The following TTC21A variants were observed in gnomAD, a reference collection of about 807,000 sequenced individuals.
TTC21A encodes tetratricopeptide repeat protein 21A.
In TTC21A, 128 loss-of-function variants were observed where a neutral mutation model predicts 156.4. The observed-to-expected ratio is 0.82, with a 90% CI of 0.71 to 0.95. The LOEUF (loss-of-function observed/expected upper bound fraction) is 0.95, where lower values mean the gene tolerates loss of function less well. Among genes scored for constraint, TTC21A ranks in the 40% least tolerant of loss-of-function variants. The pLI, the probability that TTC21A is intolerant of heterozygous loss-of-function variation, is 0.00. For missense variants in TTC21A, 1,435 were observed against 1,602.3 expected (o/e 0.90, Z 1.78); for synonymous variants, 587 against 617.1 (o/e 0.95, Z 0.72).
At chr3:39,128,600 G>A (rs371638121) in intron 13 of TTC21A, 112 bp downstream of exon 13, 50 of 1,561,646 alleles carry the variant, frequency 3.2e-5, no homozygotes, top group African/African-American at 2.0e-4. Context: ...CTTTCTGCTC[G>A]TCCAAAGGCA....
At position 39,125,359 on chromosome 3, in the gene TTC21A, A is replaced by G; in HGVS notation, c.1219A>G (p.Met407Val). The G allele has an allele frequency of 6.2e-7, 1 of 1,614,118 alleles. No individual in the cohort carries two copies. Among genetic ancestry groups the G allele is most frequent in the Non-Finnish European group, 8.5e-7 (1 of 1,180,012 alleles). Residue 407 changes from methionine to valine, a missense_variant, in exon 11 of 29, where the codon ATG (methionine) becomes GTG (valine). By Grantham distance (21) the Met-to-Val change is conservative. Coordinates refer to ENST00000683103, the MANE Select transcript of TTC21A (RefSeq NM_001366900.1). ...GCTAATTTTCCTCCAAGCCCTCCTG[A>G]TGTCCAGGAAGCACAAGGGGGAGGA... is the stretch of plus-strand genomic sequence containing the variant. ...EVLIFLQALL[M>V]SRKHKGEEET...
At chr3:39,108,044 C>T in intron 1 of TTC21A, 180 bp downstream of exon 1, 3 of 659,538 alleles carry the variant, frequency 4.5e-6, no homozygotes, top group Non-Finnish European at 7.7e-6. Flanking sequence ...TCTGCGCACC[C>T]TGAGCCCCAA....
At chr3:39,120,474 AAATCTGTATCTCTTTCAGACCCT>A in intron 8 of TTC21A, among the ~76,000 whole-genome samples, 1 of 152,212 alleles carries the variant, frequency 6.6e-6, no homozygotes, top group Non-Finnish European at 1.5e-5. Context: ...GGTTGCCAAC[AAATCTGTATCTCTTTCAGACCCT>A]TCAGCCCCAA....
At chr3:39,118,943 A>T (rs1194529510) in intron 7 of TTC21A, 1 of 152,044 alleles carries the variant, frequency 6.6e-6, no homozygotes, top group African/African-American at 2.4e-5. Context: ...GGTAGAGGGG[A>T]GAGTCCGTAT....
At chr3:39,137,163 C>A in intron 24 of TTC21A, 32 bp from the exon 25 acceptor site, 1 of 1,603,760 alleles carries the variant, frequency 6.2e-7, no homozygotes, top group Non-Finnish European at 8.5e-7. Context: ...GGCCACCGGC[C>A]TGTGTCTGAT....
Position 39,126,515 on chromosome 3 carries a change from C to CACAT in TTC21A, c.1522+128_1522+129insTACA, listed in dbSNP as rs1392611050. ...ACACACACACACACACACACACACA[C>CACAT]ACACACTCTCCTTGCCTGGGGTACT... On this transcript the variant is annotated intron_variant, in intron 12 of 28. Coordinates refer to ENST00000683103, the MANE Select transcript of TTC21A (RefSeq NM_001366900.1). The CACAT allele has an allele frequency of 1.2e-5, 12 of 1,028,738 alleles. No individual in the cohort carries two copies. In the African/African-American group the frequency reaches 1.9e-4, roughly 17 times the overall value. 63.7% of individuals were successfully genotyped at this position (1,028,738 alleles called of 1,614,324 possible).
rs753917563 is a variant in TTC21A, at chr3:39,128,712, C to A, written c.1681-5C>A. 10 of 1,613,750 alleles carry A rather than the reference C, an allele frequency of 6.2e-6. No individual in the cohort carries two copies. The highest frequency in any genetic ancestry group is 6.8e-6 in the Non-Finnish European group (8 of 1,179,924). Reference sequence around the variant, plus strand: ...GAGCCCCACACTCTGCTGTGCTCCTCCTAGGTCCGAGATCACCCCCTCTAC... The same window carrying A: ...GAGCCCCACACTCTGCTGTGCTCCTACTAGGTCCGAGATCACCCCCTCTAC... On this transcript the variant is annotated splice_region_variant and splice_polypyrimidine_tract_variant and intron_variant, in intron 13 of 28. Transcript: ENST00000683103.
chr3:39,135,246 G>A (rs2039029058), intron 22 of TTC21A, 72 bp downstream of exon 22: 7 of 1,307,038 alleles, frequency 5.4e-6, no homozygotes, highest in Non-Finnish European at 7.8e-6. Context: ...AGAAGGGTGG[G>A]ACCTCTCCCT....
At chr3:39,138,500 G>C (rs367820000) in intron 27 of TTC21A, 56 bp from the exon 28 acceptor site, 1 of 1,612,692 alleles carries the variant, frequency 6.2e-7, no homozygotes. Context: ...ATGAGAACCA[G>C]AGGGGTTCTC....
chr3:39,114,735 G>A lies in TTC21A; in HGVS notation c.709G>A (p.Gly237Arg). 1 of 1,614,166 alleles carries A rather than the reference G, an allele frequency of 6.2e-7. No homozygotes were observed. The change falls in exon 6 of 29, where the codon GGA becomes AGA. Residue 237 changes from glycine to arginine, a missense_variant. Transcript: ENST00000683103. ...GGACTGGGAGCAGACAGTAGAAATG[G>A]GACACAGGTGAGCTACTGCACAAAT... The part of the protein sequence containing the change: ...RQDWEQTVEM[G>R]HRILEKDESN...
At position 39,128,486 on chromosome 3, in the gene TTC21A, C is replaced by A; in HGVS notation, c.1678C>A (p.Gln560Lys). The change falls in exon 13 of 29, where the codon CAG (glutamine) becomes AAG (lysine). Residue 560 changes from glutamine to lysine, a missense_variant and splice_region_variant. By Grantham distance (53) the Gln-to-Lys change is moderately conservative. Transcript: ENST00000683103. Reference protein sequence around the residue: ...CLELGVSHNFQVRDHPLYHLI... With the variant: ...CLELGVSHNFKVRDHPLYHLI... ...AGAGCTGGGTGTCAGCCACAACTTC[C>A]AGGTGGGTGCCCTCTCATCCTCTCA... The A allele has an allele frequency of 6.2e-7, 1 of 1,614,102 alleles. No individual in the cohort carries two copies. Among genetic ancestry groups the A allele is most frequent in the Non-Finnish European group, 8.5e-7 (1 of 1,179,990 alleles).
In TTC21A at chr3:39,107,869, G is replaced by A. The variant is rs771320671; in HGVS notation, c.27+5G>A. 6 of 1,612,610 alleles carry A rather than the reference G, an allele frequency of 3.7e-6. No homozygotes were observed. Among genetic ancestry groups the A allele is most frequent in the Non-Finnish European group, 4.2e-6 (5 of 1,179,976 alleles). On this transcript the variant is annotated splice_donor_5th_base_variant and intron_variant, in intron 1 of 28. Coordinates refer to ENST00000683103, the MANE Select transcript of TTC21A (RefSeq NM_001366900.1). ...AGCAATGACTCCTCCCTTATGGTGCGTGGCCCGGGCGCTGTCCGAGGGCTC... is the reference window on the plus strand; with the variant it reads ...AGCAATGACTCCTCCCTTATGGTGCATGGCCCGGGCGCTGTCCGAGGGCTC...
chr3:39,108,569 A>G (rs766437836), intron 1 of TTC21A, among the ~76,000 whole-genome samples: 2 of 152,186 alleles, frequency 1.3e-5, no homozygotes, highest in Non-Finnish European at 2.9e-5. Context: ...TTACAGTCCA[A>G]CCACATCTGC....
intron 12 of TTC21A, among the ~76,000 whole-genome samples, chr3:39,127,001 C>T (rs895086101): frequency 1.3e-5 from 2 of 152,076 alleles, no homozygotes; most frequent in African/African-American, 2.4e-5. Context: ...GGCAGGGTTG[C>T]GGTTTTGAAA....
chr3:39,135,223 G>A, intron 22 of TTC21A, 49 bp downstream of exon 22: 1 of 1,522,790 alleles, frequency 6.6e-7, no homozygotes, highest in South Asian at 1.1e-5. Context: ...CTGAGCAAGG[G>A]CCGCTCTCCC....
rs754890183 is a variant in TTC21A, at chr3:39,136,954, A to G, written c.3151A>G (p.Ser1051Gly). The G allele has an allele frequency of 1.5e-5, 24 of 1,614,128 alleles. No homozygotes were observed. The South Asian group carries it at 2.6e-4, about 18-fold the overall frequency. The change falls in exon 24 of 29, where the codon AGC becomes GGC. Residue 1051 changes from serine (S) to glycine (G), a missense_variant. Ser to Gly is a moderately conservative substitution (Grantham distance 56, BLOSUM62 0). Transcript: ENST00000683103. ...GTTCCTGAACAAGGCACGCAAGGAC[A>G]GCACTTGGGGCCAGAGCGCCATCTA... is the stretch of plus-strand genomic sequence containing the variant. The part of the protein sequence containing the change: ...LKFLNKARKD[S>G]TWGQSAIYHM...
At position 39,126,204 on chromosome 3, in the gene TTC21A, G is replaced by A; in HGVS notation, c.1393-57G>A. The A allele has an allele frequency of 1.9e-6, 3 of 1,601,786 alleles. No homozygotes were observed. The African/African-American group carries it at 4.0e-5, about 21-fold the overall frequency. ...TGAGAGCATTTTCTGAGAGCTCCAG[G>A]AGTCTCTCTTAGAATAGGGCAAACC... On this transcript the variant is annotated intron_variant, in intron 11 of 28. Coordinates refer to ENST00000683103, the MANE Select transcript of TTC21A (RefSeq NM_001366900.1).
chr3:39,115,348 CAA>C (rs10709200), intron 6 of TTC21A, among the ~76,000 whole-genome samples: 1,438 of 143,464 alleles, frequency 0.01, 19 homozygotes, highest in African/African-American at 0.032. Flanking sequence ...TTTGGGGAAC[CAA>C]AAAAAAAAAA....
At chr3:39,107,956 C>T in intron 1 of TTC21A, 92 bp downstream of exon 1, 1 of 1,502,520 alleles carries the variant, frequency 6.7e-7, no homozygotes. Context: ...TGCCACCCTT[C>T]GCTGTCCTCA....
Sources: allele counts gnomAD v4.1 joint callset (sites outside exome capture counted in the v4.1 genomes callset), GRCh38; gene constraint gnomAD v4.1.1; transcripts MANE v1.5; gene names NCBI Gene and HGNC (gene_info 2026-07-23, HGNC 2026-07-21).